The following AKAP12 variants were observed in gnomAD, a reference collection of about 807,000 sequenced individuals.
The protein encoded by AKAP12 is A-kinase anchoring protein 12.
AKAP12 carries 32 observed loss-of-function variants against 79.9 expected under a neutral mutation model. That is an observed-to-expected ratio of 0.40 (90% confidence interval 0.30 to 0.54). The LOEUF (loss-of-function observed/expected upper bound fraction) is 0.54, where lower values mean the gene tolerates loss of function less well. Ranked by LOEUF, AKAP12 falls within the 20% of genes least tolerant of loss-of-function variation. The pLI is 0.48. For synonymous variants in AKAP12, 808 were observed against 857.0 expected (o/e 0.94, Z 1.00); for missense variants, 2,074 against 2,177.0 (o/e 0.95, Z 0.94).
chr6:151,341,740 G>C (rs747693779), intron 3 of AKAP12: 1 of 1,277,710 alleles, frequency 7.8e-7, no homozygotes, highest in African/African-American at 1.6e-5. Context: ...TGGCGGACAC[G>C]GAATCCCGAG....
chr6:151,295,553 C>G (rs1776707105), intron 2 of AKAP12, among the ~76,000 whole-genome samples: 1 of 152,146 alleles, frequency 6.6e-6, no homozygotes, highest in Admixed American at 6.5e-5. Flanking sequence ...AGCCGCCTTC[C>G]TTAAATAGCA....
At chr6:151,269,810 A>G (rs1319372224) in intron 2 of AKAP12, among the ~76,000 whole-genome samples, 1 of 152,156 alleles carries the variant, frequency 6.6e-6, no homozygotes, top group Non-Finnish European at 1.5e-5. Flanking sequence ...GAGTTGCATA[A>G]CTGTCATGAT....
chr6:151,269,015 G>A (rs997766396), intron 2 of AKAP12, among the ~76,000 whole-genome samples: 5 of 137,894 alleles, frequency 3.6e-5, no homozygotes, highest in East Asian at 4.3e-4. Flanking sequence ...ATATTACAGA[G>A]GGAAAGTTGA....
chr6:151,285,879 A>ATTT (rs11427563), intron 2 of AKAP12, among the ~76,000 whole-genome samples: 6 of 144,864 alleles, frequency 4.1e-5, no homozygotes, highest in African/African-American at 1.0e-4. Flanking sequence ...GGAGGTGATA[A>ATTT]TTTTTTTTTT....
intron 2 of AKAP12, among the ~76,000 whole-genome samples, chr6:151,251,199 G>GA (rs1797166908): frequency 6.6e-6 from 1 of 152,188 alleles, no homozygotes; most frequent in Non-Finnish European, 1.5e-5. Context: ...AGGAAACAAT[G>GA]AAAGAGGATA....
intron 4 of AKAP12, among the ~76,000 whole-genome samples, chr6:151,355,414 T>A (rs550645660): frequency 6.6e-6 from 1 of 152,098 alleles, no homozygotes; most frequent in African/African-American, 2.4e-5. Context: ...GCGATTCTCC[T>A]GCCTCAGCCT....
chr6:151,346,751 C>T lies in AKAP12; in HGVS notation c.320-1960C>T, dbSNP rs79248517. 6.8e-3 allele frequency among the ~76,000 whole-genome samples: 1,042 copies of T among 152,218 alleles called. 13 individuals carry two copies. The highest frequency in any genetic ancestry group is 0.024 in the Middle Eastern group (7 of 294). On this transcript the variant is annotated intron_variant, in intron 3 of 4. Coordinates refer to ENST00000402676, the MANE Select transcript of AKAP12 (RefSeq NM_005100.4). ...ATGTACGTTTCCTGACAGCCTTTTA[C>T]CCGATGGTTTTAGCAGTTTATGATA... is the stretch of plus-strand genomic sequence containing the variant.
chr6:151,354,186 C>A (rs2114834632), intron 4 of AKAP12, among the ~76,000 whole-genome samples: 1 of 151,944 alleles, frequency 6.6e-6, no homozygotes, highest in African/African-American at 2.4e-5. Context: ...CTAGTGCCCC[C>A]AAATGGGCTA....
In AKAP12 at chr6:151,250,701, G is replaced by A. The variant is rs1797157296; in HGVS notation, c.162+9977G>A. On this transcript the variant is annotated intron_variant, in intron 2 of 4. Transcript: ENST00000402676. ...GCTCACTGCAAACTCCGCCTCCCGGGTTCACGCCATTCTCCTGCCTCAGCC... is the reference window on the plus strand; with the variant it reads ...GCTCACTGCAAACTCCGCCTCCCGGATTCACGCCATTCTCCTGCCTCAGCC... 2.6e-5 allele frequency among the ~76,000 whole-genome samples: 4 copies of A among 151,084 alleles called. No individual in the cohort carries two copies. The South Asian group carries it at 8.4e-4, about 32-fold the overall frequency.
chr6:151,342,924 G>A (rs1777990492), intron 3 of AKAP12, among the ~76,000 whole-genome samples: 2 of 152,174 alleles, frequency 1.3e-5, no homozygotes, highest in Admixed American at 1.3e-4. Flanking sequence ...CACCATGCAC[G>A]ACTGATTTTT....
intron 2 of AKAP12, among the ~76,000 whole-genome samples, chr6:151,259,518 A>G (rs1168639513): frequency 7.0e-6 from 1 of 142,938 alleles, no homozygotes; most frequent in African/African-American, 2.6e-5. Context: ...ATATACACAC[A>G]CACACACACA....
chr6:151,262,577 A>G (rs1326855965), intron 2 of AKAP12, among the ~76,000 whole-genome samples: 1 of 151,274 alleles, frequency 6.6e-6, no homozygotes, highest in African/African-American at 2.4e-5. Context: ...ACATGGCTAA[A>G]TGACTTCAAC....
intron 2 of AKAP12, among the ~76,000 whole-genome samples, chr6:151,258,926 C>CTGTGTGTG (rs35650826): frequency 0.056 from 8,330 of 148,024 alleles, 268 homozygotes; most frequent in African/African-American, 0.086. Flanking sequence ...TGTGCCCAGC[C>CTGTGTGTG]TGTGTGTGTG....
chr6:151,305,790 C>A lies in AKAP12; in HGVS notation c.206C>A (p.Ala69Asp), dbSNP rs1776964719. ...NGQLSTINGV[A>D]EQDELSLQEG... Reference sequence around the variant, plus strand: ...CAGCTGTCCACCATCAATGGCGTAGCTGAGCAAGATGAGCTCAGCCTCCAG... The same window carrying A: ...CAGCTGTCCACCATCAATGGCGTAGATGAGCAAGATGAGCTCAGCCTCCAG... Residue 69 changes from alanine (A) to aspartate (D), a missense_variant, in exon 3 of 5, where the codon GCT (alanine) becomes GAT (aspartate). Around this residue, in one of 3 missense-constraint regions of AKAP12, gnomAD observed 1,428 missense variants for 1,451.0 expected, o/e 0.98. Coordinates refer to ENST00000402676, the MANE Select transcript of AKAP12 (RefSeq NM_005100.4). The A allele has an allele frequency of 6.2e-7, 1 of 1,614,012 alleles. No homozygotes were observed. The highest frequency in any genetic ancestry group is 8.5e-7 in the Non-Finnish European group (1 of 1,179,946).
chr6:151,312,619 G>A (rs1023071486), intron 3 of AKAP12, among the ~76,000 whole-genome samples: 4 of 152,006 alleles, frequency 2.6e-5, no homozygotes, highest in East Asian at 1.9e-4. Context: ...GTGAAACTCC[G>A]TCTCTACTAA....
intron 2 of AKAP12, among the ~76,000 whole-genome samples, chr6:151,281,623 G>A (rs1776409224): frequency 6.6e-6 from 1 of 152,074 alleles, no homozygotes; most frequent in Non-Finnish European, 1.5e-5. Flanking sequence ...TTAAGTCTTG[G>A]AATTGGGGCA....
At position 151,351,634 on chromosome 6, in the gene AKAP12, T is replaced by C; in HGVS notation, c.3243T>C (p.Ala1081=). The change falls in exon 4 of 5, where the codon GCT becomes GCC. Residue 1081 remains alanine (A), a synonymous_variant. Transcript: ENST00000402676. The surrounding 1 kb of genome is among the most constrained non-coding windows in gnomAD (Gnocchi z 4.4). ...AGGCAGAAAGACCAGAAGAGCAGGC[T>C]GAAGCGTCGGGTCTGAAGAAAGAGA... ...RAEAERPEEQ[A]EASGLKKETD... The C allele has an allele frequency of 6.2e-7, 1 of 1,614,140 alleles. No individual in the cohort carries two copies. The highest frequency in any genetic ancestry group is 1.3e-5 in the African/African-American group (1 of 75,036).
In AKAP12 at chr6:151,349,815, A is replaced by C; in HGVS notation, c.1424A>C (p.Asp475Ala). ...KLKETCVSGE[D>A]PTQGADLSPD... ...AAAGAAACGTGTGTTTCCGGAGAGG[A>C]CCCTACACAGGGAGCTGACCTCAGT... Residue 475 changes from aspartate (D) to alanine (A), a missense_variant, in exon 4 of 5, where the codon GAC becomes GCC. Around this residue, in one of 3 missense-constraint regions of AKAP12, gnomAD observed 1,428 missense variants for 1,451.0 expected, o/e 0.98. Coordinates refer to ENST00000402676, the MANE Select transcript of AKAP12 (RefSeq NM_005100.4). 1 of 1,614,042 alleles carries C rather than the reference A, an allele frequency of 6.2e-7. No individual in the cohort carries two copies. The highest frequency in any genetic ancestry group is 8.5e-7 in the Non-Finnish European group (1 of 1,180,012).
At position 151,305,828 on chromosome 6, in the gene AKAP12, A is replaced by C. The variant is rs775126050; in HGVS notation, c.244A>C (p.Asn82His). The C allele has an allele frequency of 6.2e-7, 1 of 1,614,118 alleles. No individual in the cohort carries two copies. The highest frequency in any genetic ancestry group is 1.1e-5 in the South Asian group (1 of 91,066). The change falls in exon 3 of 5, where the codon AAT becomes CAT. Residue 82 changes from asparagine (N) to histidine (H), a missense_variant. Asn to His is a moderately conservative substitution (Grantham distance 68). This residue lies in a region of AKAP12 where 1,428 missense variants were observed against 1,451.0 expected (regional missense o/e 0.98). Coordinates refer to ENST00000402676, the MANE Select transcript of AKAP12 (RefSeq NM_005100.4). Reference protein sequence around the residue: ...DELSLQEGDLNGQKGALNGQG... With the variant: ...DELSLQEGDLHGQKGALNGQG... The stretch of plus-strand genomic sequence containing the variant: ...GCTCAGCCTCCAGGAGGGTGACCTA[A>C]ATGGCCAGAAAGGAGCCCTGAACGG...
Sources: gnomAD v4.1 joint callset for allele counts (sites outside exome capture counted in the v4.1 genomes callset) on GRCh38, gnomAD v4.1.1 for gene constraint, gnomAD v4.1.1 regional missense constraint, Gnocchi (gnomAD v3.1) non-coding constraint, MANE v1.5 for transcripts, NCBI Gene and HGNC (gene_info 2026-07-23, HGNC 2026-07-21) for gene names.